FRYL: variants seen among roughly 807,000 people sequenced by gnomAD.
The protein encoded by FRYL is protein furry homolog-like.
FRYL carries 150 observed loss-of-function variants against 351.2 expected under a neutral mutation model. The observed-to-expected ratio is 0.43, with a 90% CI of 0.37 to 0.49. The LOEUF is 0.49. Among genes scored for constraint, FRYL ranks in the 20% least tolerant of loss-of-function variants. FRYL has a pLI of 0.00. For missense variants in FRYL, 3,036 were observed against 3,619.3 expected (o/e 0.84, Z 4.13); for synonymous variants, 1,153 against 1,257.1 (o/e 0.92, Z 1.75).
chr4:48,722,974 T>G (rs923207826), intron 1 of FRYL, among the ~76,000 whole-genome samples: 1 of 152,174 alleles, frequency 6.6e-6, no homozygotes, highest in African/African-American at 2.4e-5. Flanking sequence ...GAATATCAGT[T>G]TCACGGTGAC....
At chr4:48,638,080 T>C (rs903055954) in intron 3 of FRYL, 8 of 151,914 alleles carry the variant, frequency 5.3e-5, no homozygotes, top group Admixed American at 1.3e-4. Context: ...TGGTCTAAAA[T>C]AACCACACTG....
At chr4:48,741,937 G>A (rs1170995157) in intron 1 of FRYL, among the ~76,000 whole-genome samples, 1 of 152,162 alleles carries the variant, frequency 6.6e-6, no homozygotes, top group East Asian at 1.9e-4. Flanking sequence ...CTATAATAGT[G>A]GATACATGTC....
At position 48,620,779 on chromosome 4, in the gene FRYL, C is replaced by T; in HGVS notation, c.175-1G>A. 6.2e-7 allele frequency: 1 copy of T among 1,610,756 alleles called. No individual in the cohort carries two copies. The highest frequency in any genetic ancestry group is 8.5e-7 in the Non-Finnish European group (1 of 1,177,624). The stretch of plus-strand genomic sequence containing the variant: ...CTACTGAGCTCATAGAGCTTATCAA[C>T]TGAAAACACAAGATATTACCAGAAA... On this transcript the variant is annotated splice_acceptor_variant, in intron 5 of 63. Transcript: ENST00000358350. LOFTEE classifies it high-confidence loss of function.
chr4:48,521,252 T>C (rs1375722122), intron 54 of FRYL, 37 bp from the exon 55 acceptor site: 8 of 1,491,644 alleles, frequency 5.4e-6, no homozygotes, highest in Non-Finnish European at 7.4e-6. Flanking sequence ...AATTCATTTA[T>C]GAGTCAAAAG....
intron 1 of FRYL, among the ~76,000 whole-genome samples, chr4:48,733,511 G>GA (rs891874422): frequency 2.6e-5 from 4 of 151,986 alleles, no homozygotes; most frequent in African/African-American, 9.7e-5. Flanking sequence ...GATCTGCAAG[G>GA]AAAAACTCTG....
At chr4:48,671,819 C>T (rs1762731823) in intron 3 of FRYL, among the ~76,000 whole-genome samples, 1 of 130,956 alleles carries the variant, frequency 7.6e-6, no homozygotes, top group South Asian at 2.5e-4. Context: ...CGCCACTGCA[C>T]TCCAGCCTGG....
At chr4:48,511,150 A>T (rs890236252) in intron 57 of FRYL, among the ~76,000 whole-genome samples, 166 bp from the exon 58 acceptor site, 4 of 152,240 alleles carry the variant, frequency 2.6e-5, no homozygotes, top group African/African-American at 9.6e-5. Context: ...TTCCTTAGAA[A>T]ACATTAATTT....
At chr4:48,603,490 T>C in intron 11 of FRYL, 102 bp from the exon 12 acceptor site, 1 of 756,776 alleles carries the variant, frequency 1.3e-6, no homozygotes, top group Non-Finnish European at 2.2e-6. Flanking sequence ...TGGTTAATAA[T>C]TCACTGAGAC....
At chr4:48,517,334 T>TGG (rs1299245962) in intron 55 of FRYL, among the ~76,000 whole-genome samples, 2 of 152,206 alleles carry the variant, frequency 1.3e-5, no homozygotes, top group African/African-American at 4.8e-5. Context: ...ACACCTGCAG[T>TGG]GGATTGTCAT....
At chr4:48,768,868 T>C (rs187593677) in intron 1 of FRYL, among the ~76,000 whole-genome samples, 2 of 151,946 alleles carry the variant, frequency 1.3e-5, no homozygotes, top group African/African-American at 4.8e-5. Flanking sequence ...CAGTGGCTCA[T>C]GCCTGTAATC....
Position 48,557,572 on chromosome 4 carries a change from C to CATCTTG in FRYL, c.4005_4006insCAAGAT (p.Asp1335_Asp1336insGlnAsp). The CATCTTG allele has an allele frequency of 1.2e-6, 2 of 1,614,128 alleles. No homozygotes were observed. The highest frequency in any genetic ancestry group is 1.7e-6 in the Non-Finnish European group (2 of 1,180,024). ...ATAAGTTCTCGGTCTTTTAAGGAAT[C>CATCTTG]ATCTTCATCTTCATCATGTCGCCTT... On this transcript the variant is annotated inframe_insertion, in exon 34 of 64. Coordinates refer to ENST00000358350, the MANE Select transcript of FRYL (RefSeq NM_015030.2).
chr4:48,603,172 C>T (rs1746047894), intron 12 of FRYL, 118 bp downstream of exon 12: 3 of 744,514 alleles, frequency 4.0e-6, no homozygotes, highest in African/African-American at 3.6e-5. Context: ...CCTTGTATTG[C>T]ACTTCAGGGA....
At chr4:48,717,064 T>C (rs751676611) in intron 1 of FRYL, among the ~76,000 whole-genome samples, 10 of 138,202 alleles carry the variant, frequency 7.2e-5, no homozygotes, top group East Asian at 2.2e-4. Context: ...TAGGTGGGAA[T>C]TGAACAACGA....
intron 49 of FRYL, among the ~76,000 whole-genome samples, chr4:48,533,785 T>A (rs1241308008): frequency 2.0e-5 from 3 of 152,206 alleles, no homozygotes; most frequent in Non-Finnish European, 4.4e-5. Context: ...CAAGTTTAAT[T>A]TTCCACTTTC....
At chr4:48,692,745 G>A (rs1765790927) in intron 2 of FRYL, among the ~76,000 whole-genome samples, 1 of 152,130 alleles carries the variant, frequency 6.6e-6, no homozygotes, top group Non-Finnish European at 1.5e-5. Context: ...ATTTATTATT[G>A]TTGTTAGAGG....
At chr4:48,710,209 C>G (rs1767851789) in intron 2 of FRYL, among the ~76,000 whole-genome samples, 1 of 152,170 alleles carries the variant, frequency 6.6e-6, no homozygotes, top group African/African-American at 2.4e-5. Context: ...AACAAATGGG[C>G]TGAAAATCCC....
At chr4:48,505,814 G>GCA in intron 59 of FRYL, 199 bp from the exon 60 acceptor site, 2 of 488,818 alleles carry the variant, frequency 4.1e-6, no homozygotes, top group South Asian at 7.4e-5. Flanking sequence ...GTAACAAGAG[G>GCA]CACACACTTG....
chr4:48,757,363 CCTT>C (rs1456400596), intron 1 of FRYL, among the ~76,000 whole-genome samples: 2 of 152,162 alleles, frequency 1.3e-5, no homozygotes, highest in Non-Finnish European at 2.9e-5. Context: ...CCCAAAATCT[CCTT>C]AAGCTGATAA....
intron 7 of FRYL, among the ~76,000 whole-genome samples, chr4:48,614,199 A>G (rs1438285660): frequency 6.6e-6 from 1 of 152,132 alleles, no homozygotes; most frequent in African/African-American, 2.4e-5. Flanking sequence ...AGACATCCTG[A>G]AAGTCCCTAT....
Sources: allele counts gnomAD v4.1 joint callset (sites outside exome capture counted in the v4.1 genomes callset), GRCh38; gene constraint gnomAD v4.1.1; transcripts MANE v1.5; gene names NCBI Gene and HGNC (gene_info 2026-07-23, HGNC 2026-07-21).